Variants in FOXP2 observed in about 807,000 individuals in gnomAD.
FOXP2 encodes the protein forkhead box P2, also known as forkhead box protein P2.
A neutral mutation model predicts 115.8 loss-of-function variants in FOXP2; 12 were observed. That is an observed-to-expected ratio of 0.10 (90% CI 0.07 to 0.17). The LOEUF (loss-of-function observed/expected upper bound fraction) is 0.17. Among genes scored for constraint, FOXP2 ranks in the 10% least tolerant of loss-of-function variants. The pLI, the probability that FOXP2 is intolerant of heterozygous loss-of-function variation, is 1.00. For missense variants in FOXP2, 629 were observed against 843.5 expected (o/e 0.75, Z 3.15); for synonymous variants, 328 against 297.7 (o/e 1.10, Z -1.05).
chr7:114,549,628 G>A (rs910445479), intron 3 of FOXP2, among the ~76,000 whole-genome samples: 1 of 152,156 alleles, frequency 6.6e-6, no homozygotes. Context: ...TTGGCCCTGA[G>A]ATGCTGTAAA....
chr7:114,481,535 C>A (rs562929504), intron 2 of FOXP2, among the ~76,000 whole-genome samples: 6 of 151,332 alleles, frequency 4.0e-5, no homozygotes, highest in African/African-American at 1.2e-4. Flanking sequence ...AAAGACTCTC[C>A]ACTCAGAACA....
intron 3 of FOXP2, among the ~76,000 whole-genome samples, chr7:114,589,928 T>G (rs1047499692): frequency 3.3e-5 from 5 of 152,112 alleles, no homozygotes; most frequent in Admixed American, 3.3e-4. Flanking sequence ...TTTCCAGCAT[T>G]AGTATAGTTT....
At chr7:114,448,036 G>A (rs1243832504) in intron 2 of FOXP2, among the ~76,000 whole-genome samples, 1 of 152,074 alleles carries the variant, frequency 6.6e-6, no homozygotes, top group Admixed American at 6.6e-5. Context: ...TATAGATTGA[G>A]TATAAAATAA....
intron 8 of FOXP2, among the ~76,000 whole-genome samples, chr7:114,647,457 G>A (rs145743487): frequency 6.6e-6 from 1 of 150,944 alleles, no homozygotes; most frequent in African/African-American, 2.4e-5. Context: ...TTTAATTGAG[G>A]CACTCTTTTC....
chr7:114,106,705 C>T (rs1026257128), intron 1 of FOXP2, among the ~76,000 whole-genome samples: 2 of 151,946 alleles, frequency 1.3e-5, no homozygotes, highest in African/African-American at 4.8e-5. Context: ...AAACCTGAAA[C>T]TTAAAAATTA....
chr7:114,212,760 A>G (rs1476746618), intron 1 of FOXP2, among the ~76,000 whole-genome samples: 1 of 152,220 alleles, frequency 6.6e-6, no homozygotes, highest in African/African-American at 2.4e-5. Flanking sequence ...CAGAAAAACA[A>G]GGGTGGGGAA....
chr7:114,674,144 A>C (rs1807637812), intron 16 of FOXP2, among the ~76,000 whole-genome samples: 1 of 152,242 alleles, frequency 6.6e-6, no homozygotes, highest in Non-Finnish European at 1.5e-5. Context: ...TTATCTGAAA[A>C]TAATATTCCT....
At chr7:114,470,460 T>G (rs1206078532) in intron 2 of FOXP2, among the ~76,000 whole-genome samples, 1 of 152,216 alleles carries the variant, frequency 6.6e-6, no homozygotes, top group African/African-American at 2.4e-5. Flanking sequence ...ATGTTATTTG[T>G]GTGGTTATTT....
At chr7:114,593,515 TA>T (rs1802544210) in intron 3 of FOXP2, among the ~76,000 whole-genome samples, 1 of 152,064 alleles carries the variant, frequency 6.6e-6, no homozygotes, top group South Asian at 2.1e-4. Context: ...TGATCAATGA[TA>T]AAAATCATTA....
intron 8 of FOXP2, among the ~76,000 whole-genome samples, chr7:114,649,179 C>T (rs971577265): frequency 7.9e-5 from 12 of 151,994 alleles, no homozygotes; most frequent in African/African-American, 1.9e-4. Context: ...TGAAATAGAA[C>T]TACCAATAAG....
intron 1 of FOXP2, among the ~76,000 whole-genome samples, chr7:114,213,955 T>A (rs184645164): frequency 7.2e-5 from 11 of 152,330 alleles, no homozygotes; most frequent in African/African-American, 2.6e-4. Flanking sequence ...AAATATGCTT[T>A]TAAATCTTCT....
At position 114,587,879 on chromosome 7, in the gene FOXP2, A is replaced by ATATATATATATATATATATATATAT; in HGVS notation, c.259-40661_259-40660insTATATATATATATATATATATATAT. 1.2e-3 allele frequency among the ~76,000 whole-genome samples: 93 copies of ATATATATATATATATATATATATAT among 76,502 alleles called. 3 individuals carry two copies. Among genetic ancestry groups the ATATATATATATATATATATATATAT allele is most frequent in the Middle Eastern group, 5.3e-3 (1 of 188 alleles). 50.2% of individuals were successfully genotyped at this position (76,502 alleles called of 152,430 possible). A position where few individuals can be genotyped will look rare whatever the true frequency, so the allele number is the denominator to read the frequency against. ...CTAATTGGGTGAATAAGAGATAATT[A>ATATATATATATATATATATATATAT]AATCCACCTTTCTTAGTGCCTTATT... is the stretch of plus-strand genomic sequence containing the variant. On this transcript the variant is annotated intron_variant, in intron 3 of 16. Transcript: ENST00000350908.
chr7:114,400,814 G>A (rs1426613626), intron 2 of FOXP2, among the ~76,000 whole-genome samples: 2 of 152,054 alleles, frequency 1.3e-5, no homozygotes, highest in East Asian at 1.9e-4. Flanking sequence ...ACTGGTACTG[G>A]TCCGTGGCCC....
At chr7:114,602,255 T>C (rs1803071557) in intron 3 of FOXP2, among the ~76,000 whole-genome samples, 3 of 152,082 alleles carry the variant, frequency 2.0e-5, no homozygotes, top group Admixed American at 1.3e-4. Flanking sequence ...TAATAATTTT[T>C]ATCTTAATAT....
rs10227893 is a variant in FOXP2 at position 114,630,022 on chromosome 7, T to C, written c.597+17T>C. ...GCGAAAGAGGTAGGATCCGGTTATC[T>C]CATTGATACATAACAGTTTGCAGTT... On this transcript the variant is annotated intron_variant, in intron 5 of 16. Transcript: ENST00000350908. The C allele has an allele frequency of 6.2e-7, 1 of 1,604,006 alleles. No individual in the cohort carries two copies. The highest frequency in any genetic ancestry group is 8.5e-7 in the Non-Finnish European group (1 of 1,178,850).
intron 2 of FOXP2, among the ~76,000 whole-genome samples, chr7:114,487,232 G>T (rs951069326): frequency 2.6e-5 from 4 of 152,166 alleles, no homozygotes; most frequent in East Asian, 1.9e-4. Flanking sequence ...ACACAATGTG[G>T]CAGCTGCCAA....
At chr7:114,622,404 G>T (rs1001214998) in intron 3 of FOXP2, among the ~76,000 whole-genome samples, 1 of 151,790 alleles carries the variant, frequency 6.6e-6, no homozygotes, top group African/African-American at 2.4e-5. Flanking sequence ...TAAATTTATG[G>T]GTTGTCAGCG....
chr7:114,174,041 A>T (rs1328259694), intron 1 of FOXP2, among the ~76,000 whole-genome samples: 1 of 151,982 alleles, frequency 6.6e-6, no homozygotes, highest in Non-Finnish European at 1.5e-5. Context: ...AATTTAAATG[A>T]TCAAATATTT....
At chr7:114,514,364 T>C (rs1319559446) in intron 2 of FOXP2, among the ~76,000 whole-genome samples, 1 of 152,072 alleles carries the variant, frequency 6.6e-6, no homozygotes, top group African/African-American at 2.4e-5. Context: ...CTTAAATTTA[T>C]TCCTCCTGTC....
Sources: allele counts gnomAD v4.1 joint callset (sites outside exome capture counted in the v4.1 genomes callset), GRCh38; gene constraint gnomAD v4.1.1; transcripts MANE v1.5; gene names NCBI Gene and HGNC (gene_info 2026-07-23, HGNC 2026-07-21).